The following BLM variants were observed in gnomAD, a reference collection of about 807,000 sequenced individuals.
BLM encodes BLM RecQ like helicase.
A neutral mutation model predicts 135.3 loss-of-function variants in BLM; 95 were observed. The ratio of observed to expected loss-of-function variants is 0.70; its 90% CI spans 0.59 to 0.83. The LOEUF (loss-of-function observed/expected upper bound fraction) is 0.83. BLM is among the 40% of genes least tolerant of loss of function. BLM has a pLI of 0.00. For synonymous variants in BLM, 520 were observed against 589.2 expected (o/e 0.88, Z 1.70); for missense variants, 1,518 against 1,663.9 (o/e 0.91, Z 1.53).
chr15:90,720,143 G>T (rs1894727573), intron 1 of BLM, among the ~76,000 whole-genome samples: 1 of 152,084 alleles, frequency 6.6e-6, no homozygotes, highest in Non-Finnish European at 1.5e-5. Context: ...TCGTTGCATT[G>T]TAATTATTTG....
Position 90,769,406 on chromosome 15 carries a change from G to A in BLM, c.2407-32G>A, listed in dbSNP as rs199720691. The A allele has an allele frequency of 2.0e-4, 318 of 1,613,564 alleles. 1 individual carries two copies. The highest frequency in any genetic ancestry group is 1.2e-3 in the Middle Eastern group (7 of 6,060). On this transcript the variant is annotated intron_variant, in intron 11 of 21. Transcript: ENST00000355112. ...TTTTTATAGAAGGAAGCTCCAAGTA[G>A]TCTGAAAAGCAGTATTTTTTTTTCC...
Position 90,754,888 on chromosome 15 carries a change from A to G in BLM, c.1037A>G (p.Glu346Gly). 6.2e-7 allele frequency: 1 copy of G among 1,614,042 alleles called. No homozygotes were observed. Among genetic ancestry groups the G allele is most frequent in the Non-Finnish European group, 8.5e-7 (1 of 1,179,974 alleles). Residue 346 changes from glutamate to glycine, a missense_variant, in exon 5 of 22, where the codon GAG (glutamate) becomes GGG (glycine). Physicochemically the swap from Glu to Gly is moderately conservative, Grantham distance 98. This residue lies in a region of BLM where 724 missense variants were observed against 756.9 expected (regional missense o/e 0.96). Coordinates refer to ENST00000355112, the MANE Select transcript of BLM (RefSeq NM_000057.4). ...TCAAAAGATCTTTTGTCAAAACCTG[A>G]GAAAATGAGTATGCAGGAGCTGAAT... ...STSKDLLSKP[E>G]KMSMQELNPE...
chr15:90,728,076 C>T (rs957004256), intron 1 of BLM, among the ~76,000 whole-genome samples: 1 of 152,146 alleles, frequency 6.6e-6, no homozygotes, highest in Non-Finnish European at 1.5e-5. Flanking sequence ...CTTGCTCTCT[C>T]ACCCAGGCTA....
At position 90,760,842 on chromosome 15, in the gene BLM, C is replaced by G. The variant is rs878853553; in HGVS notation, c.1469C>G (p.Pro490Arg). ...ACCAGGAAGAATCTTTTTGAAAGGCCTTTATTCAATACCCATTTACAGAAG... is the reference window on the plus strand; with the variant it reads ...ACCAGGAAGAATCTTTTTGAAAGGCGTTTATTCAATACCCATTTACAGAAG... Reference protein sequence around the residue: ...SATRKNLFERPLFNTHLQKSF... With the variant: ...SATRKNLFERRLFNTHLQKSF... Residue 490 changes from proline (P) to arginine (R), a missense_variant, in exon 7 of 22, where the codon CCT becomes CGT. Transcript: ENST00000355112. The G allele has an allele frequency of 3.1e-6, 5 of 1,613,940 alleles. No homozygotes were observed. The East Asian group carries it at 8.9e-5, about 29-fold the overall frequency.
chr15:90,724,973 A>G (rs933209541), intron 1 of BLM, among the ~76,000 whole-genome samples: 1 of 152,152 alleles, frequency 6.6e-6, no homozygotes, highest in Admixed American at 6.5e-5. Context: ...CAGTGGTATG[A>G]TCTTGGCTCA....
Position 90,816,072 on chromosome 15 carries a change from C to T in BLM, c.*793C>T, listed in dbSNP as rs1296623025. On this transcript the variant is annotated 3_prime_UTR_variant, in exon 22 of 22. Transcript: ENST00000355112. ...CTCCAGCCTGGGTGACAGAGCAAGACTCCGTCTCAAAAAAAAAAAAAAAAA... is the reference window on the plus strand; with the variant it reads ...CTCCAGCCTGGGTGACAGAGCAAGATTCCGTCTCAAAAAAAAAAAAAAAAA... 8.0e-6 allele frequency: 1 copy of T among 124,510 alleles called. No individual in the cohort carries two copies. The highest frequency in any genetic ancestry group is 9.0e-5 in the Admixed American group (1 of 11,084). The allele number at this position is 124,510 out of a possible 1,614,324, so 7.7% of individuals were successfully genotyped here. A position where few individuals can be genotyped will look rare whatever the true frequency, so the allele number is the denominator to read the frequency against.
rs373090621 is a variant in BLM, at chr15:90,763,010, C to A, written c.1927C>A (p.Arg643Ser). 3 of 1,613,306 alleles carry A rather than the reference C, an allele frequency of 1.9e-6. No homozygotes were observed. Among genetic ancestry groups the A allele is most frequent in the Non-Finnish European group, 1.7e-6 (2 of 1,179,820 alleles). ...AGCATCCAGAAATCTGAAACATGAG[C>A]GTTTCCAAAGTCTTAGTTTTCCTCA... ...NLASRNLKHE[R>S]FQSLSFPHTK... Residue 643 changes from arginine to serine, a missense_variant, in exon 8 of 22, where the codon CGT becomes AGT. This residue lies in a region of BLM where 724 missense variants were observed against 756.9 expected (regional missense o/e 0.96). Transcript: ENST00000355112.
chr15:90,724,052 A>C (rs753634164), intron 1 of BLM, among the ~76,000 whole-genome samples: 1 of 152,000 alleles, frequency 6.6e-6, no homozygotes, highest in East Asian at 1.9e-4. Flanking sequence ...TTGCTCAGCT[A>C]TCCAGGCTGG....
chr15:90,741,192 TAGTGTACAATTCA>T (rs1434554083), intron 1 of BLM, among the ~76,000 whole-genome samples: 1 of 152,240 alleles, frequency 6.6e-6, no homozygotes, highest in Non-Finnish European at 1.5e-5. Context: ...TTTAAAAACC[TAGTGTACAATTCA>T]CTGCCCTTGA....
At chr15:90,754,699 T>C (rs1895769486) in intron 4 of BLM, 112 bp from the exon 5 acceptor site, 1 of 1,197,376 alleles carries the variant, frequency 8.4e-7, no homozygotes, top group Non-Finnish European at 1.2e-6. Context: ...TACTTCTCTT[T>C]TCTGTTATAT....
At chr15:90,766,218 C>T (rs1896122573) in intron 9 of BLM, among the ~76,000 whole-genome samples, 1 of 152,200 alleles carries the variant, frequency 6.6e-6, no homozygotes, top group South Asian at 2.1e-4. Flanking sequence ...TGGTGGTAGC[C>T]ATTGTTCAAC....
At chr15:90,724,538 A>G in intron 1 of BLM, among the ~76,000 whole-genome samples, 1 of 152,038 alleles carries the variant, frequency 6.6e-6, no homozygotes, top group Admixed American at 6.6e-5. Flanking sequence ...CAGACCCCAA[A>G]TGTTAAGTCC....
rs144964365 is a variant in BLM, at chr15:90,809,154, C to G, written c.3769C>G (p.Pro1257Ala). 2 of 1,614,094 alleles carry G rather than the reference C, an allele frequency of 1.2e-6. No homozygotes were observed. Among genetic ancestry groups the G allele is most frequent in the Non-Finnish European group, 1.7e-6 (2 of 1,179,974 alleles). Residue 1257 changes from proline to alanine, a missense_variant, in exon 20 of 22, where the codon CCT becomes GCT. Physicochemically the swap from Pro to Ala is conservative, Grantham distance 27. Coordinates refer to ENST00000355112, the MANE Select transcript of BLM (RefSeq NM_000057.4). ...KKLAESLSSD[P>A]EVLLQIDGVT... Reference sequence around the variant, plus strand: ...TTGCACAGAATCTTTATCTTCTGATCCTGAGGTTTTGCTTCAAATTGATGG... The same window carrying G: ...TTGCACAGAATCTTTATCTTCTGATGCTGAGGTTTTGCTTCAAATTGATGG...
At chr15:90,792,401 C>A (rs1896927626) in intron 15 of BLM, among the ~76,000 whole-genome samples, 1 of 151,510 alleles carries the variant, frequency 6.6e-6, no homozygotes, top group Non-Finnish European at 1.5e-5. Flanking sequence ...CCACTATGCC[C>A]AGCCGAGACC....
chr15:90,759,640 T>C (rs1308171951), intron 5 of BLM, among the ~76,000 whole-genome samples: 2 of 151,896 alleles, frequency 1.3e-5, no homozygotes, highest in African/African-American at 4.8e-5. Context: ...AAGTCTCACT[T>C]TTGTCCCCCA....
chr15:90,769,280 A>G, intron 11 of BLM, 49 bp downstream of exon 11: 1 of 1,538,000 alleles, frequency 6.5e-7, no homozygotes, highest in Non-Finnish European at 9.0e-7. Context: ...ACATACTACC[A>G]ACAATATATG....
At chr15:90,770,652 G>A (rs1398070218) in intron 12 of BLM, among the ~76,000 whole-genome samples, 2 of 152,214 alleles carry the variant, frequency 1.3e-5, no homozygotes, top group African/African-American at 4.8e-5. Flanking sequence ...TTTAGTTTCA[G>A]ATGTAAACAT....
chr15:90,803,476 A>C (rs1364276313), intron 17 of BLM, 45 bp from the exon 18 acceptor site: 1 of 1,553,990 alleles, frequency 6.4e-7, no homozygotes, highest in Non-Finnish European at 8.9e-7. Flanking sequence ...GAGGGTGATG[A>C]TATACGTACA....
At chr15:90,734,894 T>G (rs1217841981) in intron 1 of BLM, among the ~76,000 whole-genome samples, 1 of 152,076 alleles carries the variant, frequency 6.6e-6, no homozygotes, top group East Asian at 1.9e-4. Context: ...AGGCACAAGA[T>G]TTGGAAAATA....
Sources: gnomAD v4.1 joint callset for allele counts (sites outside exome capture counted in the v4.1 genomes callset) on GRCh38, gnomAD v4.1.1 for gene constraint, gnomAD v4.1.1 regional missense constraint, MANE v1.5 for transcripts, NCBI Gene and HGNC (gene_info 2026-07-23, HGNC 2026-07-21) for gene names.